The following CEP112 variants were observed in gnomAD, a reference collection of about 807,000 sequenced individuals.
CEP112 encodes the protein centrosomal protein of 112 kDa.
Under a neutral mutation model 153.0 loss-of-function variants are expected in CEP112, and 127 were observed. That is an observed-to-expected ratio of 0.83 (90% CI 0.72 to 0.96). The LOEUF (loss-of-function observed/expected upper bound fraction) is 0.96, where lower values mean the gene tolerates loss of function less well. CEP112 is among the 40% of genes least tolerant of loss of function. CEP112 has a pLI of 0.00. For synonymous variants in CEP112, 358 were observed against 374.4 expected (o/e 0.96, Z 0.51); for missense variants, 1,089 against 1,101.2 (o/e 0.99, Z 0.16).
chr17:66,106,586 G>A (rs2068792919), intron 6 of CEP112, among the ~76,000 whole-genome samples: 1 of 151,818 alleles, frequency 6.6e-6, no homozygotes, highest in Non-Finnish European at 1.5e-5. Flanking sequence ...TACCAAGAGT[G>A]AATAAGGAAG....
intron 19 of CEP112, 134 bp from the exon 20 acceptor site, chr17:65,902,468 C>T (rs1030345405): frequency 3.5e-5 from 20 of 565,956 alleles, no homozygotes; most frequent in Non-Finnish European, 4.0e-5. Flanking sequence ...ACCTCACCCT[C>T]GAAATACTCT....
intron 25 of CEP112, 101 bp downstream of exon 25, chr17:65,640,863 C>T: frequency 1.4e-6 from 1 of 738,710 alleles, no homozygotes. Context: ...GCAATGACAT[C>T]ACATTGATTT....
At chr17:65,906,984 T>C (rs547648459) in intron 19 of CEP112, among the ~76,000 whole-genome samples, 1 of 152,358 alleles carries the variant, frequency 6.6e-6, no homozygotes, top group East Asian at 1.9e-4. Flanking sequence ...AAAGTTCTAT[T>C]GAGATCTTCT....
At chr17:65,873,283 T>C (rs1431602435) in intron 20 of CEP112, among the ~76,000 whole-genome samples, 2 of 152,240 alleles carry the variant, frequency 1.3e-5, no homozygotes, top group African/African-American at 4.8e-5. Context: ...CTTACACTTG[T>C]CACTAAACTG....
intron 21 of CEP112, among the ~76,000 whole-genome samples, chr17:65,813,681 T>C (rs2056110207): frequency 6.6e-6 from 1 of 152,170 alleles, no homozygotes; most frequent in South Asian, 2.1e-4. Context: ...AGAATTAAAG[T>C]AGATAAGGTG....
At chr17:65,776,447 G>A (rs1333862378) in intron 21 of CEP112, among the ~76,000 whole-genome samples, 6 of 152,100 alleles carry the variant, frequency 3.9e-5, no homozygotes, top group East Asian at 1.9e-4. Flanking sequence ...GGATGGTCTC[G>A]ATCTCCTGAC....
At chr17:65,654,280 T>TA (rs2045948446) in intron 24 of CEP112, among the ~76,000 whole-genome samples, 1 of 152,204 alleles carries the variant, frequency 6.6e-6, no homozygotes, top group African/African-American at 2.4e-5. Context: ...TTCTGAAGTA[T>TA]AAAGTGAAAA....
At chr17:66,123,530 A>T (rs943478419) in intron 6 of CEP112, among the ~76,000 whole-genome samples, 3 of 152,188 alleles carry the variant, frequency 2.0e-5, no homozygotes, top group South Asian at 2.1e-4. Flanking sequence ...AAATGTCTTC[A>T]TTTGCTCTAT....
chr17:66,152,837 C>T (rs891525863), intron 4 of CEP112, among the ~76,000 whole-genome samples: 3 of 151,980 alleles, frequency 2.0e-5, no homozygotes, highest in Admixed American at 2.0e-4. Context: ...TCTGCTTGGC[C>T]CATTGTATGT....
intron 23 of CEP112, among the ~76,000 whole-genome samples, chr17:65,700,179 T>A (rs558304022): frequency 1.9e-3 from 290 of 151,942 alleles, no homozygotes; most frequent in Non-Finnish European, 3.8e-3. Flanking sequence ...CTAGCCTTCT[T>A]TCTATACACT....
intron 6 of CEP112, among the ~76,000 whole-genome samples, chr17:66,107,511 GA>G (rs1198801752): frequency 6.6e-6 from 1 of 151,768 alleles, no homozygotes; most frequent in African/African-American, 2.4e-5. Context: ...CAAACAACCT[GA>G]AAAAGAAATC....
chr17:65,716,245 C>T (rs1437753749), intron 23 of CEP112, among the ~76,000 whole-genome samples: 4 of 152,140 alleles, frequency 2.6e-5, no homozygotes, highest in Non-Finnish European at 4.4e-5. Flanking sequence ...CAACCTCCAC[C>T]TCCCAGGTTC....
intron 23 of CEP112, among the ~76,000 whole-genome samples, chr17:65,734,107 C>G (rs1012316663): frequency 6.6e-6 from 1 of 152,332 alleles, no homozygotes; most frequent in Middle Eastern, 3.4e-3. Context: ...CTAGAACCTG[C>G]AGATTCGGAC....
chr17:65,796,115 C>T (rs1315929211), intron 21 of CEP112, among the ~76,000 whole-genome samples: 4 of 152,158 alleles, frequency 2.6e-5, no homozygotes, highest in Non-Finnish European at 5.9e-5. Context: ...AAAGTTACAT[C>T]TCTCCCAAGC....
chr17:65,893,481 A>C (rs2059549967), intron 20 of CEP112, among the ~76,000 whole-genome samples: 1 of 152,118 alleles, frequency 6.6e-6, no homozygotes, highest in Non-Finnish European at 1.5e-5. Context: ...CACTCAAGAG[A>C]TCAAGACGTA....
intron 20 of CEP112, among the ~76,000 whole-genome samples, chr17:65,872,068 T>C (rs1235886672): frequency 6.6e-6 from 1 of 152,224 alleles, no homozygotes; most frequent in East Asian, 1.9e-4. Context: ...AAAGCCAAAG[T>C]AAATAACTAG....
chr17:65,702,121 C>T (rs1287692230), intron 23 of CEP112, among the ~76,000 whole-genome samples: 1 of 151,976 alleles, frequency 6.6e-6, no homozygotes, highest in African/African-American at 2.4e-5. Flanking sequence ...GGTGATCTGC[C>T]CGCCTCGGCC....
intron 6 of CEP112, among the ~76,000 whole-genome samples, chr17:66,128,302 C>CAAAA (rs33978059): frequency 5.5e-4 from 40 of 72,976 alleles, no homozygotes; most frequent in Non-Finnish European, 6.9e-4. Flanking sequence ...GATTCTGTCT[C>CAAAA]AAAAAAAAAA....
chr17:65,804,285 C>CAAT lies in CEP112; in HGVS notation c.2394+47518_2394+47519insATT, dbSNP rs554394317. On this transcript the variant is annotated intron_variant, in intron 21 of 26. Transcript: ENST00000535342. Reference sequence around the variant, plus strand: ...TTCTGAATTATTAAAATTAGATGAGCCGCTCATAACACTGTTTTGTATTCT... The same window carrying CAAT: ...TTCTGAATTATTAAAATTAGATGAGCAATCGCTCATAACACTGTTTTGTATTCT... 480 of 152,124 alleles carry CAAT rather than the reference C, an allele frequency of 3.2e-3. 3 individuals are homozygous for CAAT. Among genetic ancestry groups the CAAT allele is most frequent in the African/African-American group, 0.011 (456 of 41,528 alleles). The allele number at this position is 152,124 out of a possible 1,614,324, so 9.4% of individuals were successfully genotyped here.
Sources: gnomAD v4.1 joint callset for allele counts (sites outside exome capture counted in the v4.1 genomes callset) on GRCh38, gnomAD v4.1.1 for gene constraint, MANE v1.5 for transcripts, NCBI Gene and HGNC (gene_info 2026-07-23, HGNC 2026-07-21) for gene names.